The following DPP10 variants were observed in gnomAD, a reference collection of about 807,000 sequenced individuals.
DPP10 encodes dipeptidyl peptidase like 10.
Under a neutral mutation model 120.9 loss-of-function variants are expected in DPP10, and 33 were observed. The ratio of observed to expected loss-of-function variants is 0.27; its 90% CI spans 0.21 to 0.37. DPP10 has a LOEUF of 0.37. DPP10 is among the 10% of genes least tolerant of loss of function. The pLI, the probability that DPP10 is intolerant of heterozygous loss-of-function variation, is 1.00. For synonymous variants in DPP10, 337 were observed against 326.1 expected, an observed-to-expected ratio of 1.03 and a Z score of -0.36; for missense variants, 816 against 942.8, an observed-to-expected ratio of 0.87 and a Z score of 1.76.
intron 1 of DPP10, among the ~76,000 whole-genome samples, chr2:114,763,067 T>A (rs10187047): frequency 0.073 from 11,160 of 152,022 alleles, 944 homozygotes; most frequent in African/African-American, 0.21. Context: ...TAGGTGAGGA[T>A]AAATTTTCCA....
chr2:114,538,040 A>G (rs1686656004), intron 1 of DPP10, among the ~76,000 whole-genome samples: 1 of 152,220 alleles, frequency 6.6e-6, no homozygotes, highest in Non-Finnish European at 1.5e-5. Context: ...TATCTTAGCC[A>G]GGAGAATTGG....
intron 1 of DPP10, among the ~76,000 whole-genome samples, chr2:115,308,931 A>G (rs1028639575): frequency 1.8e-4 from 27 of 152,168 alleles, no homozygotes; most frequent in South Asian, 1.0e-3. Flanking sequence ...CTCTATTTCA[A>G]TAATTATTTT....
At chr2:115,390,875 G>A (rs2067271908) in intron 3 of DPP10, among the ~76,000 whole-genome samples, 1 of 152,128 alleles carries the variant, frequency 6.6e-6, no homozygotes, top group African/African-American at 2.4e-5. Context: ...CCAGGGTGAA[G>A]TCTCAGCATT....
At chr2:115,145,244 C>T (rs2051157778) in intron 1 of DPP10, among the ~76,000 whole-genome samples, 1 of 152,052 alleles carries the variant, frequency 6.6e-6, no homozygotes, top group Admixed American at 6.6e-5. Context: ...TCCACAATTA[C>T]AGTATCAGGC....
intron 5 of DPP10, among the ~76,000 whole-genome samples, chr2:115,684,485 A>G (rs1451819099): frequency 2.0e-5 from 3 of 151,872 alleles, no homozygotes; most frequent in Non-Finnish European, 2.9e-5. Context: ...GGCATTTTTT[A>G]ATAAATGCTG....
chr2:115,049,702 C>G (rs1178358444), intron 1 of DPP10, among the ~76,000 whole-genome samples: 1 of 152,176 alleles, frequency 6.6e-6, no homozygotes, highest in African/African-American at 2.4e-5. Context: ...CCAAATAGTT[C>G]ATGATGGCAT....
intron 3 of DPP10, among the ~76,000 whole-genome samples, chr2:115,349,117 C>A (rs975530708): frequency 6.6e-6 from 1 of 152,070 alleles, no homozygotes; most frequent in African/African-American, 2.4e-5. Flanking sequence ...TTTCACATTT[C>A]TTTTGCAAAA....
chr2:114,628,472 A>C (rs904519513), intron 1 of DPP10, among the ~76,000 whole-genome samples: 4 of 152,152 alleles, frequency 2.6e-5, no homozygotes, highest in African/African-American at 9.7e-5. Context: ...TTTTATTTAA[A>C]ATTTTGCCAA....
chr2:115,575,550 T>C (rs928601509), intron 5 of DPP10, among the ~76,000 whole-genome samples: 24 of 152,182 alleles, frequency 1.6e-4, no homozygotes, highest in African/African-American at 5.1e-4. Flanking sequence ...GTGCTAGCTC[T>C]GGCTGAATTC....
chr2:115,463,877 T>C (rs1399202691), intron 3 of DPP10, among the ~76,000 whole-genome samples: 3 of 152,108 alleles, frequency 2.0e-5, no homozygotes, highest in Admixed American at 1.3e-4. Flanking sequence ...CAAATGTGAA[T>C]TCCTTTTCTT....
At chr2:114,836,975 T>C (rs775244334) in intron 1 of DPP10, among the ~76,000 whole-genome samples, 46 of 152,252 alleles carry the variant, frequency 3.0e-4, no homozygotes, top group Non-Finnish European at 6.0e-4. Flanking sequence ...TCTTGTTCCC[T>C]GAACATTGCT....
At chr2:114,921,733 CCG>C (rs1695208993) in intron 1 of DPP10, among the ~76,000 whole-genome samples, 1 of 152,150 alleles carries the variant, frequency 6.6e-6, no homozygotes. Flanking sequence ...CACCTTTGGA[CCG>C]TAGGTCACAT....
chr2:114,565,616 G>T (rs1006217146), intron 1 of DPP10, among the ~76,000 whole-genome samples: 1 of 152,242 alleles, frequency 6.6e-6, no homozygotes, highest in African/African-American at 2.4e-5. Context: ...GGAAACTGGG[G>T]TGAGGCACAC....
At chr2:114,825,264 T>C (rs561476665) in intron 1 of DPP10, among the ~76,000 whole-genome samples, 45 of 152,348 alleles carry the variant, frequency 3.0e-4, no homozygotes, top group East Asian at 1.9e-4. Flanking sequence ...TGGGACTTCC[T>C]CACAGGAGGA....
At chr2:115,087,236 G>A (rs1268259877) in intron 1 of DPP10, among the ~76,000 whole-genome samples, 4 of 152,216 alleles carry the variant, frequency 2.6e-5, no homozygotes, top group Admixed American at 2.0e-4. Context: ...TAGGCCGCGA[G>A]TTAAAAGAGT....
chr2:115,383,512 A>G (rs1229175801), intron 3 of DPP10, among the ~76,000 whole-genome samples: 3 of 152,178 alleles, frequency 2.0e-5, no homozygotes, highest in African/African-American at 4.8e-5. Context: ...ATTTTTACAA[A>G]TTCAGTTAGA....
At chr2:115,406,994 C>G (rs2677290) in intron 3 of DPP10, among the ~76,000 whole-genome samples, 98,116 of 151,960 alleles carry the variant, frequency 0.65, 32,249 homozygotes, top group Middle Eastern at 0.75. Flanking sequence ...TGAAGAGTGA[C>G]GGGGAGTGGA....
intron 3 of DPP10, among the ~76,000 whole-genome samples, chr2:115,461,506 A>G (rs2073982573): frequency 6.6e-6 from 1 of 152,132 alleles, no homozygotes; most frequent in Non-Finnish European, 1.5e-5. Flanking sequence ...AAGACTGCTA[A>G]AAAGAATAGA....
intron 1 of DPP10, among the ~76,000 whole-genome samples, chr2:114,856,624 A>G (rs1184754965): frequency 1.3e-5 from 2 of 152,240 alleles, no homozygotes; most frequent in East Asian, 1.9e-4. Context: ...GAAACTAAAT[A>G]CAAAATAGGA....
Sources: allele counts gnomAD v4.1 joint callset (sites outside exome capture counted in the v4.1 genomes callset), GRCh38; gene constraint gnomAD v4.1.1; transcripts MANE v1.5; gene names NCBI Gene and HGNC (gene_info 2026-07-23, HGNC 2026-07-21).